Variants in DHX9 observed in about 807,000 individuals in gnomAD.
The protein encoded by DHX9 is DExH-box helicase 9, also known as ATP-dependent RNA helicase A.
Under a neutral mutation model 148.7 loss-of-function variants are expected in DHX9, and 27 were observed. The ratio of observed to expected loss-of-function variants is 0.18; its 90% CI spans 0.13 to 0.25. DHX9 has a LOEUF of 0.25. Among genes scored for constraint, DHX9 ranks in the 10% least tolerant of loss-of-function variants. The pLI, the probability that DHX9 is intolerant of heterozygous loss-of-function variation, is 1.00. For missense variants in DHX9, 796 were observed against 1,559.6 expected (o/e 0.51, Z 8.25); for synonymous variants, 529 against 516.6 (o/e 1.02, Z -0.33).
chr1:182,876,694 T>C (rs532790433), intron 18 of DHX9, 136 bp from the exon 19 acceptor site: 4 of 910,312 alleles, frequency 4.4e-6, no homozygotes, highest in Non-Finnish European at 6.8e-6. Flanking sequence ...TAGATTGTTG[T>C]TCATTAATCA....
chr1:182,880,988 T>A (rs374855014), intron 22 of DHX9, among the ~76,000 whole-genome samples: 2 of 152,182 alleles, frequency 1.3e-5, no homozygotes, highest in South Asian at 2.1e-4. Flanking sequence ...TGTTGAAGAT[T>A]AAGAGATTTG....
intron 2 of DHX9, among the ~76,000 whole-genome samples, chr1:182,842,895 A>G (rs1667957324): frequency 1.3e-5 from 2 of 152,228 alleles, no homozygotes; most frequent in Admixed American, 6.5e-5. Context: ...TATCTTCCTC[A>G]GCTTCCTCAG....
At chr1:182,851,309 T>C (rs1668145443) in intron 3 of DHX9, among the ~76,000 whole-genome samples, 1 of 152,136 alleles carries the variant, frequency 6.6e-6, no homozygotes, top group Non-Finnish European at 1.5e-5. Flanking sequence ...TAAGAGACAA[T>C]TGGAAATTTG....
chr1:182,863,415 A>G (rs114384180), intron 12 of DHX9, among the ~76,000 whole-genome samples: 5,242 of 152,262 alleles, frequency 0.034, 216 homozygotes, highest in African/African-American at 0.094. Flanking sequence ...TTTTACTGTT[A>G]TATTACACAA....
chr1:182,860,573 T>C (rs2102602238), intron 12 of DHX9, among the ~76,000 whole-genome samples: 1 of 152,362 alleles, frequency 6.6e-6, no homozygotes, highest in East Asian at 1.9e-4. Context: ...TTCTAAGCAG[T>C]AGCTTTTTAG....
At chr1:182,880,716 A>C in intron 22 of DHX9, 108 bp downstream of exon 22, 2 of 702,532 alleles carry the variant, frequency 2.8e-6, no homozygotes, top group Non-Finnish European at 2.4e-6. Flanking sequence ...AAAATCCTAA[A>C]TGTTCTTCAG....
At chr1:182,866,896 A>G (rs1648318921) in intron 13 of DHX9, 65 bp from the exon 14 acceptor site, 2 of 1,245,652 alleles carry the variant, frequency 1.6e-6, no homozygotes, top group Non-Finnish European at 2.3e-6. Flanking sequence ...TGAAATATAG[A>G]TAATTGTCCA....
Position 182,842,647 on chromosome 1 carries a change from G to A in DHX9, c.81G>A (p.Gly27=), listed in dbSNP as rs772792125. ...CATCCTATGAAATTAGAGCAGTGGGGAACAAAAACAGGCAGAAATTCATGT... is the reference window on the plus strand; with the variant it reads ...CATCCTATGAAATTAGAGCAGTGGGAAACAAAAACAGGCAGAAATTCATGT... ...MTPSYEIRAV[G]NKNRQKFMCE... The change falls in exon 2 of 28, where the codon GGG becomes GGA. Residue 27 remains glycine (G), a synonymous_variant. Coordinates refer to ENST00000367549, the MANE Select transcript of DHX9 (RefSeq NM_001357.5). The A allele has an allele frequency of 6.2e-7, 1 of 1,613,220 alleles. No individual in the cohort carries two copies. Among genetic ancestry groups the A allele is most frequent in the South Asian group, 1.1e-5 (1 of 90,916 alleles).
chr1:182,861,329 C>T (rs140892687), intron 12 of DHX9, among the ~76,000 whole-genome samples: 16 of 152,152 alleles, frequency 1.1e-4, no homozygotes, highest in East Asian at 9.7e-4. Context: ...TTTGATTTTC[C>T]GACTCACCCC....
At chr1:182,852,504 T>C (rs1668173090) in intron 4 of DHX9, among the ~76,000 whole-genome samples, 160 bp downstream of exon 4, 3 of 152,252 alleles carry the variant, frequency 2.0e-5, no homozygotes, top group Non-Finnish European at 4.4e-5. Context: ...CCAGATCATT[T>C]ATTTTTTTCT....
chr1:182,849,875 G>A (rs1334993050), intron 3 of DHX9, among the ~76,000 whole-genome samples: 3 of 150,180 alleles, frequency 2.0e-5, no homozygotes, highest in Non-Finnish European at 4.4e-5. Flanking sequence ...CTCCTTACCT[G>A]TGATGTGTCA....
chr1:182,879,304 T>C lies in DHX9; in HGVS notation c.2406T>C (p.Ala802=). 1.9e-6 allele frequency: 3 copies of C among 1,544,644 alleles called. No homozygotes were observed. The South Asian group carries it at 3.6e-5, about 19-fold the overall frequency. Residue 802 remains alanine (A), a synonymous_variant, in exon 21 of 28, where the codon GCT becomes GCC. Coordinates refer to ENST00000367549, the MANE Select transcript of DHX9 (RefSeq NM_001357.5). ...TCCGAACACCATTGCATGAAATTGC[T>C]CTTAGCATAAAACTTCTGCGTCTAG... ...EMFRTPLHEI[A]LSIKLLRLGG...
chr1:182,862,690 T>C (rs1370838891), intron 12 of DHX9, among the ~76,000 whole-genome samples: 1 of 152,158 alleles, frequency 6.6e-6, no homozygotes, highest in Non-Finnish European at 1.5e-5. Flanking sequence ...CGCTTAGATG[T>C]GAAAAAGCAA....
intron 8 of DHX9, 132 bp from the exon 9 acceptor site, chr1:182,858,419 G>T: frequency 7.5e-6 from 8 of 1,064,998 alleles, no homozygotes; most frequent in Non-Finnish European, 1.1e-5. Context: ...AATAATCATT[G>T]AAGTAATTCT....
Position 182,880,611 on chromosome 1 carries a change from A to G in DHX9, c.2624+3A>G, listed in dbSNP as rs1649040884. On this transcript the variant is annotated splice_donor_region_variant and intron_variant, in intron 22 of 27. Transcript: ENST00000367549. ...ATGATAATGGGGTGTATTTTCTAGT[A>G]AGTGCTTTGTTTTATTTCTCTTCGT... 2 of 1,578,922 alleles carry G rather than the reference A, an allele frequency of 1.3e-6. No homozygotes were observed. The highest frequency in any genetic ancestry group is 2.7e-5 in the African/African-American group (2 of 74,128).
At chr1:182,849,982 A>ACC (rs11465005) in intron 3 of DHX9, among the ~76,000 whole-genome samples, 2,888 of 123,544 alleles carry the variant, frequency 0.023, 79 homozygotes, top group Admixed American at 0.044. Flanking sequence ...GTACACACGT[A>ACC]CCCCCCCCCC....
At chr1:182,858,334 C>T in intron 8 of DHX9, 94 bp downstream of exon 8, 3 of 1,428,984 alleles carry the variant, frequency 2.1e-6, no homozygotes, top group Non-Finnish European at 2.9e-6. Context: ...TTTTAAGAAT[C>T]TTACCTCAGG....
In DHX9 at chr1:182,881,443, G is replaced by A. The variant is rs1205117415; in HGVS notation, c.2786+18G>A. 6.2e-7 allele frequency: 1 copy of A among 1,612,040 alleles called. No individual in the cohort carries two copies. Among genetic ancestry groups the A allele is most frequent in the Non-Finnish European group, 8.5e-7 (1 of 1,179,168 alleles). ...GATGCTAGGTATGAGTAAGATTTGG[G>A]TGAGCTGTCTGTAGTTTCTCATTTG... On this transcript the variant is annotated intron_variant, in intron 23 of 27. Coordinates refer to ENST00000367549, the MANE Select transcript of DHX9 (RefSeq NM_001357.5).
chr1:182,867,489 G>A (rs1648351270), intron 14 of DHX9, among the ~76,000 whole-genome samples: 2 of 152,122 alleles, frequency 1.3e-5, no homozygotes, highest in Admixed American at 6.6e-5. Flanking sequence ...AGCAACCTCC[G>A]CCTCCCGCTT....
Sources: allele counts gnomAD v4.1 joint callset (sites outside exome capture counted in the v4.1 genomes callset), GRCh38; gene constraint gnomAD v4.1.1; transcripts MANE v1.5; gene names NCBI Gene and HGNC (gene_info 2026-07-23, HGNC 2026-07-21).